COX15: variants seen among roughly 807,000 people sequenced by gnomAD.
COX15 encodes heme A synthase COX15.
COX15 carries 51 observed loss-of-function variants against 51.9 expected under a neutral mutation model. The observed-to-expected ratio is 0.98, with a 90% CI of 0.78 to 1.24. The LOEUF (loss-of-function observed/expected upper bound fraction) is 1.24. COX15 is among the 50% of genes most tolerant of loss of function. COX15 has a pLI of 0.00. For missense variants in COX15, 420 were observed against 501.1 expected (o/e 0.84, Z 1.55); for synonymous variants, 188 against 190.5 (o/e 0.99, Z 0.11).
chr10:99,726,203 C>G, intron 4 of COX15, among the ~76,000 whole-genome samples: 1 of 152,122 alleles, frequency 6.6e-6, no homozygotes, highest in African/African-American at 2.4e-5. Context: ...TGGAATTTTC[C>G]TGTATGCTTC....
intron 8 of COX15, 90 bp from the exon 9 acceptor site, chr10:99,714,808 C>G: frequency 6.3e-7 from 1 of 1,598,062 alleles, no homozygotes; most frequent in East Asian, 2.2e-5. Context: ...ACACAAACCT[C>G]CACATCCTCC....
chr10:99,714,391 G>A lies in COX15; in HGVS notation c.*196C>T. The A allele has an allele frequency of 1.4e-6, 2 of 1,407,930 alleles. No homozygotes were observed. The highest frequency in any genetic ancestry group is 1.8e-6 in the Non-Finnish European group (2 of 1,082,412). The allele number at this position is 1,407,930 out of a possible 1,614,324, so 87.2% of individuals were successfully genotyped here. A position where few individuals can be genotyped will look rare whatever the true frequency, so the allele number is the denominator to read the frequency against. On this transcript the variant is annotated 3_prime_UTR_variant, in exon 9 of 9. Transcript: ENST00000016171. ...CAACATGAAAAGCAGATTTAAAAGGGAACATTTAGGGTAACCACACTTAAT... is the reference window on the plus strand; with the variant it reads ...CAACATGAAAAGCAGATTTAAAAGGAAACATTTAGGGTAACCACACTTAAT...
At chr10:99,702,963 A>G in the COX15 span, among the ~76,000 whole-genome samples, 2 of 152,308 alleles carry the variant, frequency 1.3e-5, no homozygotes, top group East Asian at 3.9e-4. Context: ...TTTAGGACTG[A>G]GCTCTTACTA....
Position 99,718,404 on chromosome 10 carries a change from GGGGA to G in COX15, c.925_928del (p.Ser309ProfsTer3). On this transcript the variant is annotated frameshift_variant, in exon 7 of 9. Coordinates refer to ENST00000016171, the MANE Select transcript of COX15 (RefSeq NM_078470.6). LOFTEE classifies it high-confidence loss of function. ...ATTCTCAAAAACATTCCTCAGGATGGGGGAGAAGGTAAAGAGGTCCTCCGGGATC... is the reference window on the plus strand; with the variant it reads ...ATTCTCAAAAACATTCCTCAGGATGGGAAGGTAAAGAGGTCCTCCGGGATC... 1 of 1,614,072 alleles carries G rather than the reference GGGGA, an allele frequency of 6.2e-7. No homozygotes were observed. The highest frequency in any genetic ancestry group is 8.5e-7 in the Non-Finnish European group (1 of 1,179,988).
the COX15 span, among the ~76,000 whole-genome samples, chr10:99,697,209 T>A: frequency 6.6e-6 from 1 of 152,228 alleles, no homozygotes; most frequent in Non-Finnish European, 1.5e-5. Context: ...CCTGGATGAT[T>A]GACTAATGCA....
chr10:99,710,784 T>A (rs916373703), downstream of COX15: 1 of 985,284 alleles, frequency 1.0e-6, no homozygotes, highest in African/African-American at 1.7e-5. Flanking sequence ...AACATTGCTT[T>A]AGGGAGTTGC....
the COX15 span, chr10:99,698,943 G>A: frequency 3.2e-6 from 4 of 1,253,996 alleles, no homozygotes; most frequent in African/African-American, 1.5e-5. Context: ...TGTGCAAAGG[G>A]CTTTGCATAC....
the COX15 span, among the ~76,000 whole-genome samples, chr10:99,694,759 A>T: frequency 6.6e-6 from 1 of 151,354 alleles, no homozygotes; most frequent in Non-Finnish European, 1.5e-5. Flanking sequence ...CTGGTCTCGA[A>T]CTCCTGGCCT....
In COX15 at chr10:99,727,461, C is replaced by A. The variant is rs1438548865; in HGVS notation, c.375G>T (p.Gln125His). 6.2e-7 allele frequency: 1 copy of A among 1,613,646 alleles called. No individual in the cohort carries two copies. Among genetic ancestry groups the A allele is most frequent in the Admixed American group, 1.7e-5 (1 of 60,006 alleles). ...EEWEAEFQRY[Q>H]QFPEFKILNH... ...CTTACATTTTAAATTCTGGAAATTG[C>A]TGGTATCTTTGGAATTCTGCTTCCC... Residue 125 changes from glutamine to histidine, a missense_variant, in exon 3 of 9, where the codon CAG (glutamine) becomes CAT (histidine). Gln to His is a conservative substitution (Grantham distance 24, BLOSUM62 0). Coordinates refer to ENST00000016171, the MANE Select transcript of COX15 (RefSeq NM_078470.6).
rs1590077540 is a variant in COX15 at position 99,712,688 on chromosome 10, C to G, written c.*1899G>C. On this transcript the variant is annotated 3_prime_UTR_variant, in exon 9 of 9. Coordinates refer to ENST00000016171, the MANE Select transcript of COX15 (RefSeq NM_078470.6). The stretch of plus-strand genomic sequence containing the variant: ...CAACCCTGGACCTGTAGAGTGGCAG[C>G]AACAGACCAGAACTCAGCAGTATAG... 1 of 871,378 alleles carries G rather than the reference C, an allele frequency of 1.1e-6. No homozygotes were observed. Among genetic ancestry groups the G allele is most frequent in the South Asian group, 5.3e-5 (1 of 18,928 alleles). The allele number at this position is 871,378 out of a possible 1,614,324, so 54.0% of individuals were successfully genotyped here. A position where few individuals can be genotyped will look rare whatever the true frequency, so the allele number is the denominator to read the frequency against.
chr10:99,714,463 G>A lies in COX15; in HGVS notation c.*124C>T, dbSNP rs1260777005. On this transcript the variant is annotated 3_prime_UTR_variant, in exon 9 of 9. Transcript: ENST00000016171. ...TCTCAAAACAGGAAAAGATTTTTAA[G>A]TAAGTTGACCATTTGGAAACCACTT... is the stretch of plus-strand genomic sequence containing the variant. 7.1e-6 allele frequency: 11 copies of A among 1,554,022 alleles called. No homozygotes were observed. Among genetic ancestry groups the A allele is most frequent in the Non-Finnish European group, 9.5e-6 (11 of 1,153,608 alleles).
the COX15 span, chr10:99,702,459 A>G: frequency 6.1e-5 from 88 of 1,448,668 alleles, 1 homozygote; most frequent in South Asian, 1.2e-3. Flanking sequence ...TGCAAAGGAA[A>G]GTATTAGAAT....
intron 4 of COX15, among the ~76,000 whole-genome samples, chr10:99,725,708 C>T (rs923518147): frequency 3.9e-5 from 6 of 152,172 alleles, no homozygotes; most frequent in Admixed American, 2.6e-4. Flanking sequence ...TACAGGCCCA[C>T]GCCAGCATGC....
At chr10:99,703,953 T>C in the COX15 span, among the ~76,000 whole-genome samples, 1 of 152,184 alleles carries the variant, frequency 6.6e-6, no homozygotes. Flanking sequence ...TTTGAACTCC[T>C]GGCTTCAAGC....
chr10:99,702,610 A>G, the COX15 span: 7 of 1,613,748 alleles, frequency 4.3e-6, no homozygotes, highest in African/African-American at 8.0e-5. Flanking sequence ...CAGCTGGTGT[A>G]TGACCGAGAG....
Position 99,727,096 on chromosome 10 carries a change from G to A in COX15, c.454C>T (p.His152Tyr). 6.2e-7 allele frequency: 1 copy of A among 1,614,204 alleles called. No homozygotes were observed. Among genetic ancestry groups the A allele is most frequent in the Admixed American group, 1.7e-5 (1 of 60,022 alleles). ...FKFIWYMEYSHRMWGRLVGLV... is the reference protein window; with the variant it reads ...FKFIWYMEYSYRMWGRLVGLV... ...CCTACAAGGCGACCCCACATTCGGTGTGAGTACTCCATGTACCAGATGAAC... is the reference window on the plus strand; with the variant it reads ...CCTACAAGGCGACCCCACATTCGGTATGAGTACTCCATGTACCAGATGAAC... The change falls in exon 4 of 9, where the codon CAC (histidine) becomes TAC (tyrosine). Residue 152 changes from histidine (H) to tyrosine (Y), a missense_variant. His to Tyr is a moderately conservative substitution (Grantham distance 83). Coordinates refer to ENST00000016171, the MANE Select transcript of COX15 (RefSeq NM_078470.6).
chr10:99,702,600 C>A, the COX15 span: 1 of 1,613,748 alleles, frequency 6.2e-7, no homozygotes, highest in African/African-American at 1.3e-5. Context: ...GCGGACAGCC[C>A]AGCTGGTGTA....
intron 6 of COX15, 90 bp from the exon 7 acceptor site, chr10:99,718,590 A>G: frequency 7.5e-7 from 1 of 1,329,392 alleles, no homozygotes; most frequent in Non-Finnish European, 1.1e-6. Flanking sequence ...GTTATCCCAG[A>G]GTTAAACTAA....
downstream of COX15, chr10:99,709,661 C>G: frequency 2.0e-6 from 2 of 985,408 alleles, no homozygotes; most frequent in Non-Finnish European, 2.4e-6. Flanking sequence ...CTGTGGCACC[C>G]TGTTTGGGTG....
Sources: allele counts gnomAD v4.1 joint callset (sites outside exome capture counted in the v4.1 genomes callset), GRCh38; gene constraint gnomAD v4.1.1; transcripts MANE v1.5; gene names NCBI Gene and HGNC (gene_info 2026-07-23, HGNC 2026-07-21).